ORC5: variants seen among roughly 807,000 people sequenced by gnomAD.
ORC5 encodes the protein origin recognition complex subunit 5.
A neutral mutation model predicts 58.8 loss-of-function variants in ORC5; 39 were observed. The ratio of observed to expected loss-of-function variants is 0.66; its 90% confidence interval spans 0.51 to 0.87. ORC5 has a LOEUF of 0.87. Ranked by LOEUF, ORC5 falls within the 40% of genes least tolerant of loss-of-function variation. The pLI, the probability that ORC5 is intolerant of heterozygous loss-of-function variation, is 0.00. For missense variants in ORC5, 493 were observed against 506.3 expected, an observed-to-expected ratio of 0.97 and a Z score of 0.25; for synonymous variants, 218 against 177.6, an observed-to-expected ratio of 1.23 and a Z score of -1.81.
chr7:104,172,934 G>T (rs1480108581), intron 8 of ORC5, among the ~76,000 whole-genome samples: 1 of 150,028 alleles, frequency 6.7e-6, no homozygotes, highest in East Asian at 2.0e-4. Flanking sequence ...CAAATATCTA[G>T]CATAAATATG....
At chr7:104,172,889 T>C (rs765132078) in intron 8 of ORC5, among the ~76,000 whole-genome samples, 10 of 152,094 alleles carry the variant, frequency 6.6e-5, no homozygotes, top group African/African-American at 1.9e-4. Context: ...ACGGTTCATA[T>C]ATTTATTTTA....
chr7:104,202,607 G>A, intron 2 of ORC5: 1 of 432,706 alleles, frequency 2.3e-6, no homozygotes, highest in South Asian at 1.7e-5. Flanking sequence ...AGAAACTACA[G>A]TGTGATAAAA....
intron 13 of ORC5, among the ~76,000 whole-genome samples, chr7:104,128,686 C>T (rs1798467393): frequency 7.5e-6 from 1 of 132,856 alleles, no homozygotes; most frequent in Admixed American, 7.6e-5. Context: ...CCCCCCCACC[C>T]CACAACAGTC....
At chr7:104,198,962 G>T (rs1449656963) in intron 3 of ORC5, among the ~76,000 whole-genome samples, 1 of 152,250 alleles carries the variant, frequency 6.6e-6, no homozygotes, top group Admixed American at 6.5e-5. Context: ...TTCAGAGAGT[G>T]CAAGCCCCAA....
At chr7:104,151,160 A>T (rs2115810556) in intron 12 of ORC5, among the ~76,000 whole-genome samples, 1 of 152,290 alleles carries the variant, frequency 6.6e-6, no homozygotes, top group South Asian at 2.1e-4. Flanking sequence ...ACCTTGCAAT[A>T]AATGCTATTG....
intron 1 of ORC5, among the ~76,000 whole-genome samples, chr7:104,206,232 A>G: frequency 6.6e-6 from 1 of 152,242 alleles, no homozygotes; most frequent in Admixed American, 6.5e-5. Context: ...TGCTCGGTAA[A>G]TATTTATTTA....
chr7:104,173,790 T>C (rs1799260939), intron 8 of ORC5, among the ~76,000 whole-genome samples: 1 of 152,140 alleles, frequency 6.6e-6, no homozygotes, highest in South Asian at 2.1e-4. Context: ...CTTCTGGTTC[T>C]GCATGCCTAA....
chr7:104,158,225 C>A (rs958946538), intron 12 of ORC5, among the ~76,000 whole-genome samples: 2 of 151,922 alleles, frequency 1.3e-5, no homozygotes, highest in African/African-American at 4.8e-5. Flanking sequence ...TCATTTACAG[C>A]CTTAAGAAAG....
chr7:104,151,720 T>C (rs1798850588), intron 12 of ORC5, among the ~76,000 whole-genome samples: 1 of 152,136 alleles, frequency 6.6e-6, no homozygotes, highest in Non-Finnish European at 1.5e-5. Flanking sequence ...GCAATTTGGA[T>C]GGAGAGCTAG....
chr7:104,183,839 A>G lies in ORC5; in HGVS notation c.824+104T>C, dbSNP rs903321075. ...CATTGCAATGCCAATCCTCAAACAG[A>G]TATCTTTTTCTTTTAGAGTCCCTCT... On this transcript the variant is annotated intron_variant, in intron 8 of 13. Transcript: ENST00000297431. 3.8e-5 allele frequency: 29 copies of G among 756,938 alleles called. 1 individual carries two copies. The highest frequency in any genetic ancestry group is 3.9e-4 in the Middle Eastern group (1 of 2,544). The allele number at this position is 756,938 out of a possible 1,614,324, so 46.9% of individuals were successfully genotyped here.
chr7:104,200,258 C>A (rs751079948), intron 3 of ORC5, among the ~76,000 whole-genome samples: 1 of 152,136 alleles, frequency 6.6e-6, no homozygotes, highest in Non-Finnish European at 1.5e-5. Context: ...AAATGAAGTG[C>A]TTTAGTATAG....
chr7:104,204,369 C>A, intron 1 of ORC5, 135 bp from the exon 2 acceptor site: 1 of 612,898 alleles, frequency 1.6e-6, no homozygotes, highest in Non-Finnish European at 3.0e-6. Context: ...ATTGTGGATG[C>A]ATCAACACAC....
At chr7:104,169,669 A>G (rs1392975664) in intron 8 of ORC5, among the ~76,000 whole-genome samples, 1 of 152,182 alleles carries the variant, frequency 6.6e-6, no homozygotes, top group Non-Finnish European at 1.5e-5. Flanking sequence ...ACAGGGTGGA[A>G]GTGATAAGGA....
chr7:104,190,452 T>C lies in ORC5; in HGVS notation c.554-2071A>G, dbSNP rs1799649899. Among the ~76,000 whole-genome samples, 4 of 152,278 alleles carry C rather than the reference T, an allele frequency of 2.6e-5. No individual in the cohort carries two copies. The South Asian group carries it at 8.3e-4, about 32-fold the overall frequency. On this transcript the variant is annotated intron_variant, in intron 5 of 13. Coordinates refer to ENST00000297431, the MANE Select transcript of ORC5 (RefSeq NM_002553.4). ...TCCCCCTTGTATAAAACGTATTTTC[T>C]CCCTACAACTTTGATATCTTTACTC...
chr7:104,184,699 G>T (rs1346790062), intron 6 of ORC5, among the ~76,000 whole-genome samples: 1 of 152,120 alleles, frequency 6.6e-6, no homozygotes, highest in Non-Finnish European at 1.5e-5. Flanking sequence ...GCTGTATTTT[G>T]TGAGGGAGAT....
chr7:104,182,243 C>T lies in ORC5; in HGVS notation c.824+1700G>A, dbSNP rs150310403. 3.7e-4 allele frequency among the ~76,000 whole-genome samples: 57 copies of T among 152,280 alleles called. No individual in the cohort carries two copies. In the East Asian group the frequency reaches 0.011, roughly 29 times the overall value. ...AGAAGGGTCAACAAACCACTAAATG[C>T]CATAACCAGAGACAGTCGAACTGCA... On this transcript the variant is annotated intron_variant, in intron 8 of 13. Coordinates refer to ENST00000297431, the MANE Select transcript of ORC5 (RefSeq NM_002553.4).
At chr7:104,139,400 C>T (rs778953041) in intron 12 of ORC5, among the ~76,000 whole-genome samples, 1 of 151,998 alleles carries the variant, frequency 6.6e-6, no homozygotes, top group African/African-American at 2.4e-5. Flanking sequence ...CTCCATATTC[C>T]AGATCTACTG....
intron 8 of ORC5, among the ~76,000 whole-genome samples, chr7:104,175,297 A>C (rs930487974): frequency 6.6e-6 from 1 of 152,210 alleles, no homozygotes; most frequent in Non-Finnish European, 1.5e-5. Context: ...CCAACTAAAG[A>C]ATTAAAATAT....
At chr7:104,177,657 T>C (rs1799350225) in intron 8 of ORC5, among the ~76,000 whole-genome samples, 1 of 152,136 alleles carries the variant, frequency 6.6e-6, no homozygotes, top group Admixed American at 6.5e-5. Flanking sequence ...ACTGTACCTT[T>C]CGTCCCATCA....
Sources: allele counts gnomAD v4.1 joint callset (sites outside exome capture counted in the v4.1 genomes callset), GRCh38; gene constraint gnomAD v4.1.1; transcripts MANE v1.5; gene names NCBI Gene and HGNC (gene_info 2026-07-23, HGNC 2026-07-21).